The following IPO8 variants were observed in gnomAD, a reference collection of about 807,000 sequenced individuals.
The protein encoded by IPO8 is importin 8, also known as importin-8.
IPO8 carries 65 observed loss-of-function variants against 141.2 expected under a neutral mutation model. The observed-to-expected ratio is 0.46, with a 90% CI of 0.38 to 0.57. IPO8 has a LOEUF of 0.57. IPO8 is among the 20% of genes least tolerant of loss of function. IPO8 has a pLI of 0.00. For synonymous variants in IPO8, 411 were observed against 420.3 expected, an observed-to-expected ratio of 0.98 and a Z score of 0.27; for missense variants, 980 against 1,246.8, an observed-to-expected ratio of 0.79 and a Z score of 3.22.
At chr12:30,668,074 AGAGAG>A (rs977919201) in intron 10 of IPO8, among the ~76,000 whole-genome samples, 3 of 152,066 alleles carry the variant, frequency 2.0e-5, no homozygotes, top group Admixed American at 6.6e-5. Flanking sequence ...AGAGAGAGAG[AGAGAG>A]AAGAATGGTT....
rs772155493 is a variant in IPO8 at position 30,681,780 on chromosome 12, G to A, written c.361C>T (p.His121Tyr). ...LTMCLRAIIK[H>Y]DFPGHWPGVV... ...CCTGGCCAGTGACCAGGAAAATCAT[G>A]TTTTATGATGGCACGGAGACACATT... Residue 121 changes from histidine to tyrosine, a missense_variant, in exon 4 of 25, where the codon CAT (histidine) becomes TAT (tyrosine). Physicochemically the swap from His to Tyr is moderately conservative, Grantham distance 83. This residue lies in a region of IPO8 where 924 missense variants were observed against 1,153.9 expected (regional missense o/e 0.80). Coordinates refer to ENST00000256079, the MANE Select transcript of IPO8 (RefSeq NM_006390.4). The A allele has an allele frequency of 3.9e-5, 63 of 1,613,554 alleles. No individual in the cohort carries two copies. The South Asian group carries it at 6.8e-4, about 17-fold the overall frequency.
chr12:30,672,509 G>A (rs1002680086), intron 8 of IPO8, among the ~76,000 whole-genome samples: 1 of 152,108 alleles, frequency 6.6e-6, no homozygotes, highest in African/African-American at 2.4e-5. Context: ...TTAAGTATCA[G>A]GAATATATCC....
chr12:30,634,054 TC>T, intron 23 of IPO8, 28 bp downstream of exon 23: 1 of 1,560,354 alleles, frequency 6.4e-7, no homozygotes, highest in East Asian at 2.3e-5. Context: ...AAAAAAAATA[TC>T]AGAAGATGTG....
intron 20 of IPO8, among the ~76,000 whole-genome samples, chr12:30,648,577 A>C (rs2052680114): frequency 6.6e-6 from 1 of 152,228 alleles, no homozygotes; most frequent in Non-Finnish European, 1.5e-5. Flanking sequence ...TATTATAAGA[A>C]ATACATAAAG....
chr12:30,654,280 G>A (rs1323596074), intron 17 of IPO8, among the ~76,000 whole-genome samples: 1 of 149,638 alleles, frequency 6.7e-6, no homozygotes, highest in Non-Finnish European at 1.5e-5. Flanking sequence ...AAAGCTTCAC[G>A]GAAACTTGGA....
chr12:30,678,018 T>C (rs989702493), intron 5 of IPO8, among the ~76,000 whole-genome samples: 6 of 150,142 alleles, frequency 4.0e-5, no homozygotes, highest in African/African-American at 1.2e-4. Flanking sequence ...CGCCTGTAAA[T>C]CGAGGCTGAG....
chr12:30,652,402 CACAAAAGGCTAGAAATG>C, intron 18 of IPO8, 113 bp from the exon 19 acceptor site: 1 of 670,328 alleles, frequency 1.5e-6, no homozygotes, highest in South Asian at 1.7e-5. Flanking sequence ...CCCATGCAAC[CACAAAAGGCTAGAAATG>C]AAAGTAATAA....
chr12:30,685,900 C>CAAAAAAAAAAAAAAA, intron 2 of IPO8, among the ~76,000 whole-genome samples: 1 of 88,016 alleles, frequency 1.1e-5, no homozygotes, highest in Non-Finnish European at 2.4e-5. Context: ...AAGACTCTGT[C>CAAAAAAAAAAAAAAA]AAAAAAAAAA....
intron 8 of IPO8, among the ~76,000 whole-genome samples, chr12:30,671,610 C>A (rs1230917797): frequency 7.2e-6 from 1 of 138,866 alleles, no homozygotes; most frequent in Non-Finnish European, 1.5e-5. Context: ...GGAGGCGGAG[C>A]TTGCAGTGAG....
intron 21 of IPO8, 37 bp downstream of exon 21, chr12:30,639,478 A>C: frequency 7.1e-7 from 1 of 1,407,014 alleles, no homozygotes; most frequent in Non-Finnish European, 1.0e-6. Context: ...AACTTTCCAG[A>C]AACAGAAAAG....
rs752357987 is a variant in IPO8, at chr12:30,671,138, A to G, written c.910-42T>C. On this transcript the variant is annotated intron_variant, in intron 8 of 24. Coordinates refer to ENST00000256079, the MANE Select transcript of IPO8 (RefSeq NM_006390.4). ...AATACAGACTAACATAAACAATTATAAGGTTAAAAGGGGGAGGTGCCATTT... is the reference window on the plus strand; with the variant it reads ...AATACAGACTAACATAAACAATTATGAGGTTAAAAGGGGGAGGTGCCATTT... The G allele has an allele frequency of 1.8e-5, 25 of 1,377,072 alleles. 1 individual carries two copies. The South Asian group carries it at 2.7e-4, about 15-fold the overall frequency. 85.3% of individuals were successfully genotyped at this position (1,377,072 alleles called of 1,614,324 possible). A position where few individuals can be genotyped will look rare whatever the true frequency, so the allele number is the denominator to read the frequency against.
Position 30,665,846 on chromosome 12 carries a change from C to T in IPO8, c.1222-1G>A. 6.3e-7 allele frequency: 1 copy of T among 1,590,344 alleles called. No individual in the cohort carries two copies. The highest frequency in any genetic ancestry group is 8.6e-7 in the Non-Finnish European group (1 of 1,158,978). On this transcript the variant is annotated splice_acceptor_variant, in intron 11 of 24. Coordinates refer to ENST00000256079, the MANE Select transcript of IPO8 (RefSeq NM_006390.4). LOFTEE classifies it high-confidence loss of function. ...AGAATGCCATCATTTTTGGCAACAC[C>T]TAAAGAAACAGAAGAATCCATTTAG...
chr12:30,649,150 C>T lies in IPO8; in HGVS notation c.2255G>A (p.Arg752Lys), dbSNP rs2052688736. 5.6e-6 allele frequency: 9 copies of T among 1,611,938 alleles called. No individual in the cohort carries two copies. The highest frequency in any genetic ancestry group is 7.6e-6 in the Non-Finnish European group (9 of 1,178,230). Reference sequence around the variant, plus strand: ...GACATATATTACCTGATCAATTCCCCTTCCTTTGCACTGAAGAATGATGAC... The same window carrying T: ...GACATATATTACCTGATCAATTCCCTTTCCTTTGCACTGAAGAATGATGAC... Reference protein sequence around the residue: ...LEVIILQCKGRGIDQCIPLFV... With the variant: ...LEVIILQCKGKGIDQCIPLFV... Residue 752 changes from arginine to lysine, a missense_variant, in exon 20 of 25, where the codon AGG (arginine) becomes AAG (lysine). By Grantham distance (26) the Arg-to-Lys change is conservative. Around this residue, in one of 3 missense-constraint regions of IPO8, gnomAD observed 924 missense variants for 1,153.9 expected, o/e 0.80. Transcript: ENST00000256079.
intron 17 of IPO8, among the ~76,000 whole-genome samples, chr12:30,654,539 A>G (rs2052772457): frequency 1.3e-5 from 2 of 152,068 alleles, no homozygotes; most frequent in Admixed American, 1.3e-4. Context: ...AAAATAACCC[A>G]ACTTAAAAAT....
At chr12:30,664,720 C>A (rs1289132826) in intron 13 of IPO8, among the ~76,000 whole-genome samples, 1 of 151,364 alleles carries the variant, frequency 6.6e-6, no homozygotes, top group Non-Finnish European at 1.5e-5. Flanking sequence ...GAAATAAAAC[C>A]AGCAGGAAAT....
At chr12:30,633,619 T>C (rs1409568293) in intron 23 of IPO8, among the ~76,000 whole-genome samples, 5 of 152,338 alleles carry the variant, frequency 3.3e-5, no homozygotes, top group African/African-American at 1.2e-4. Context: ...ATACTGTTCT[T>C]TGTTGTATAA....
At chr12:30,660,612 T>C (rs1021452958) in intron 16 of IPO8, among the ~76,000 whole-genome samples, 1 of 152,240 alleles carries the variant, frequency 6.6e-6, no homozygotes, top group Non-Finnish European at 1.5e-5. Context: ...ACTAGATAAA[T>C]AGCTGTATAA....
intron 23 of IPO8, among the ~76,000 whole-genome samples, chr12:30,633,219 A>G (rs1263161220): frequency 6.6e-6 from 1 of 152,230 alleles, no homozygotes; most frequent in Non-Finnish European, 1.5e-5. Context: ...AAAAATGCCA[A>G]TATATTAAGC....
At chr12:30,633,447 G>A (rs1416980089) in intron 23 of IPO8, among the ~76,000 whole-genome samples, 1 of 151,904 alleles carries the variant, frequency 6.6e-6, no homozygotes, top group African/African-American at 2.4e-5. Flanking sequence ...ATCCTCATTG[G>A]CTTGTTTTTA....
Sources: gnomAD v4.1 joint callset for allele counts (sites outside exome capture counted in the v4.1 genomes callset) on GRCh38, gnomAD v4.1.1 for gene constraint, gnomAD v4.1.1 regional missense constraint, MANE v1.5 for transcripts, NCBI Gene and HGNC (gene_info 2026-07-23, HGNC 2026-07-21) for gene names.